ITPKC: variants seen among roughly 807,000 people sequenced by gnomAD.
The protein encoded by ITPKC is inositol-trisphosphate 3-kinase C, also known as IP3 3-kinase C.
Under a neutral mutation model 67.1 loss-of-function variants are expected in ITPKC, and 33 were observed. That is an observed-to-expected ratio of 0.49 (90% CI 0.37 to 0.66). ITPKC has a LOEUF of 0.66. ITPKC is among the 30% of genes least tolerant of loss of function. The probability of loss-of-function intolerance (pLI) is 0.00; values close to 1 mark genes in which losing one functional copy is unlikely to be tolerated. For synonymous variants in ITPKC, 341 were observed against 359.8 expected (o/e 0.95, Z 0.59); for missense variants, 820 against 892.1 (o/e 0.92, Z 1.03).
chr19:40,735,711 G>A (rs1239533406), intron 4 of ITPKC, among the ~76,000 whole-genome samples: 1 of 152,100 alleles, frequency 6.6e-6, no homozygotes, highest in African/African-American at 2.4e-5. Flanking sequence ...TCATCTGACT[G>A]TGTCTGTCGT....
chr19:40,718,854 G>A (rs888235504), intron 1 of ITPKC, among the ~76,000 whole-genome samples: 4 of 152,114 alleles, frequency 2.6e-5, no homozygotes, highest in African/African-American at 9.7e-5. Flanking sequence ...GACCCCAAAC[G>A]CCAAAGGATC....
chr19:40,729,923 G>A (rs893006181), intron 3 of ITPKC, among the ~76,000 whole-genome samples: 4 of 152,024 alleles, frequency 2.6e-5, no homozygotes, highest in African/African-American at 9.7e-5. Context: ...AAACCATTCC[G>A]ATGGGTTTGG....
intron 3 of ITPKC, among the ~76,000 whole-genome samples, chr19:40,731,595 GTT>G (rs776003885): frequency 8.6e-5 from 7 of 81,080 alleles, no homozygotes; most frequent in East Asian, 4.0e-4. Flanking sequence ...CCAATCCTTG[GTT>G]TTTTTTTTTT....
intron 1 of ITPKC, among the ~76,000 whole-genome samples, chr19:40,720,582 C>T (rs1016481547): frequency 2.0e-5 from 3 of 151,950 alleles, no homozygotes; most frequent in African/African-American, 7.3e-5. Flanking sequence ...CTCATCCTTC[C>T]AGAATCTGCC....
In ITPKC at chr19:40,729,419, G is replaced by C. The variant is rs368662548; in HGVS notation, c.1469+4G>C. 1.7e-5 allele frequency: 27 copies of C among 1,610,792 alleles called. No homozygotes were observed. The highest frequency in any genetic ancestry group is 2.0e-5 in the Non-Finnish European group (24 of 1,178,808). On this transcript the variant is annotated splice_donor_region_variant and intron_variant, in intron 3 of 6. Transcript: ENST00000263370. The stretch of plus-strand genomic sequence containing the variant: ...TGGACTGCAAGATGGGCAGCAGGTG[G>C]GGCTGGGGCAGCCCTGGGGCAGGGA...
intron 4 of ITPKC, among the ~76,000 whole-genome samples, chr19:40,734,701 T>A (rs1223150019): frequency 1.3e-5 from 2 of 151,258 alleles, no homozygotes; most frequent in South Asian, 2.1e-4. Context: ...CTCCACCTCT[T>A]GGGTTCAAGC....
intron 3 of ITPKC, among the ~76,000 whole-genome samples, chr19:40,731,595 G>GTTTTTTT (rs776003885): frequency 2.7e-4 from 22 of 81,048 alleles, no homozygotes; most frequent in Non-Finnish European, 3.4e-4. Context: ...CCAATCCTTG[G>GTTTTTTT]TTTTTTTTTT....
intron 3 of ITPKC, among the ~76,000 whole-genome samples, chr19:40,731,617 T>TTTTTTTTTTTG (rs796649467): frequency 7.4e-6 from 1 of 135,354 alleles, no homozygotes; most frequent in African/African-American, 2.7e-5. Context: ...TTTTTTTTTT[T>TTTTTTTTTTTG]TTTGAGAGGG....
rs776003885 is a variant in ITPKC, at chr19:40,731,595, G to GTTTTTT, written c.1470-1545_1470-1540dup. Among the ~76,000 whole-genome samples, 30 of 81,030 alleles carry GTTTTTT rather than the reference G, an allele frequency of 3.7e-4. 1 individual carries two copies. Among genetic ancestry groups the GTTTTTT allele is most frequent in the African/African-American group, 4.6e-4 (9 of 19,444 alleles). The allele number at this position is 81,030 out of a possible 152,430, so 53.2% of individuals were successfully genotyped here. On this transcript the variant is annotated intron_variant, in intron 3 of 6. Transcript: ENST00000263370. Reference sequence around the variant, plus strand: ...TGGAAGCTCCTGAGCCCAATCCTTGGTTTTTTTTTTTTTTTTTTTTTTTTT... The same window carrying GTTTTTT: ...TGGAAGCTCCTGAGCCCAATCCTTGGTTTTTTTTTTTTTTTTTTTTTTTTTTTTTTT...
At position 40,740,726 on chromosome 19, in the gene ITPKC, T is replaced by C; in HGVS notation, c.*1166T>C. The C allele has an allele frequency of 2.7e-6, 1 of 372,528 alleles. No homozygotes were observed. The highest frequency in any genetic ancestry group is 4.8e-6 in the Non-Finnish European group (1 of 209,358). 23.1% of individuals were successfully genotyped at this position (372,528 alleles called of 1,614,324 possible). ...GGGCTGAGGAGATGCTCTCCTTTTC[T>C]ACTGACCATCTTGATACTTATTTAT... On this transcript the variant is annotated 3_prime_UTR_variant, in exon 7 of 7. Transcript: ENST00000263370.
intron 6 of ITPKC, among the ~76,000 whole-genome samples, chr19:40,738,640 A>T (rs1162656708): frequency 6.6e-6 from 1 of 152,192 alleles, no homozygotes; most frequent in Non-Finnish European, 1.5e-5. Flanking sequence ...TGAGTCCAGG[A>T]GGTCAAGGCT....
intron 1 of ITPKC, among the ~76,000 whole-genome samples, chr19:40,719,234 G>C (rs2082209583): frequency 6.6e-6 from 1 of 152,150 alleles, no homozygotes. Flanking sequence ...GGCCCTAGCT[G>C]TGAGAGACAG....
intron 1 of ITPKC, among the ~76,000 whole-genome samples, chr19:40,723,242 T>G (rs1426061666): frequency 6.6e-6 from 1 of 152,160 alleles, no homozygotes; most frequent in African/African-American, 2.4e-5. Context: ...ATTACAGGCA[T>G]GAGCCACTGC....
chr19:40,729,130 A>T (rs569548945), intron 2 of ITPKC, 72 bp from the exon 3 acceptor site: 25 of 1,236,114 alleles, frequency 2.0e-5, no homozygotes, highest in Middle Eastern at 1.9e-4. Context: ...GATCTGATGC[A>T]AACAGGCAGC....
chr19:40,736,938 C>A, intron 4 of ITPKC, 48 bp from the exon 5 acceptor site: 1 of 1,307,128 alleles, frequency 7.7e-7, no homozygotes, highest in Non-Finnish European at 1.1e-6. Context: ...GTATTGGGTG[C>A]GGGAAGGAAA....
chr19:40,717,157 G>A lies in ITPKC; in HGVS notation c.22G>A (p.Gly8Arg). Residue 8 changes from glycine (G) to arginine (R), a missense_variant, in exon 1 of 7, where the codon GGG becomes AGG. By Grantham distance (125) the Gly-to-Arg change is moderately radical. Transcript: ENST00000263370. ...GGGCATGAGGCGCTGCCCGTGCCGTGGGAGCCTGAACGAGGCGGAGGCCGG... is the reference window on the plus strand; with the variant it reads ...GGGCATGAGGCGCTGCCCGTGCCGTAGGAGCCTGAACGAGGCGGAGGCCGG... MRRCPCR[G>R]SLNEAEAGAL... 8.1e-7 allele frequency: 1 copy of A among 1,227,264 alleles called. No homozygotes were observed. The highest frequency in any genetic ancestry group is 1.0e-6 in the Non-Finnish European group (1 of 985,256). The allele number at this position is 1,227,264 out of a possible 1,614,324, so 76.0% of individuals were successfully genotyped here.
chr19:40,731,521 C>A (rs997836091), intron 3 of ITPKC, among the ~76,000 whole-genome samples: 5 of 151,520 alleles, frequency 3.3e-5, no homozygotes, highest in African/African-American at 4.9e-5. Context: ...AGCTTCCATG[C>A]CCTCCCTGGG....
At chr19:40,725,991 A>C (rs1338092382) in intron 2 of ITPKC, among the ~76,000 whole-genome samples, 1 of 152,016 alleles carries the variant, frequency 6.6e-6, no homozygotes, top group Non-Finnish European at 1.5e-5. Context: ...CTGTAATCCC[A>C]GGCCTTTGGG....
In ITPKC at chr19:40,739,357, G is replaced by A. The variant is rs1234566209; in HGVS notation, c.1849G>A (p.Val617Met). The change falls in exon 7 of 7, where the codon GTG becomes ATG. Residue 617 changes from valine to methionine, a missense_variant and splice_region_variant. Around this residue, in one of 2 missense-constraint regions of ITPKC, gnomAD observed 339 missense variants for 422.0 expected, o/e 0.80. Coordinates refer to ENST00000263370, the MANE Select transcript of ITPKC (RefSeq NM_025194.3). The stretch of plus-strand genomic sequence containing the variant: ...TAACCTCCCGTCTCTACCCCGGCAG[G>A]TGGTAGGCAGCTCCCTCCTCTTCGT... The part of the protein sequence containing the change: ...EISPFFKTHE[V>M]VGSSLLFVHD... The A allele has an allele frequency of 6.2e-6, 10 of 1,613,338 alleles. No individual in the cohort carries two copies. The highest frequency in any genetic ancestry group is 8.5e-6 in the Non-Finnish European group (10 of 1,179,894).
Sources: allele counts gnomAD v4.1 joint callset (sites outside exome capture counted in the v4.1 genomes callset), GRCh38; gene constraint gnomAD v4.1.1; regional missense constraint gnomAD v4.1.1; transcripts MANE v1.5; gene names NCBI Gene and HGNC (gene_info 2026-07-23, HGNC 2026-07-21).